The following DDX10 variants were observed in gnomAD, a reference collection of about 807,000 sequenced individuals.
The protein encoded by DDX10 is DEAD-box helicase 10.
In DDX10, 74 loss-of-function variants were observed where a neutral mutation model predicts 104.3. That is an observed-to-expected ratio of 0.71 (90% CI 0.59 to 0.86). The LOEUF is 0.86. Among genes scored for constraint, DDX10 ranks in the 40% least tolerant of loss-of-function variants. DDX10 has a pLI of 0.00. For synonymous variants in DDX10, 351 were observed against 353.4 expected, an observed-to-expected ratio of 0.99 and a Z score of 0.08; for missense variants, 952 against 1,040.0, an observed-to-expected ratio of 0.92 and a Z score of 1.16.
chr11:108,775,924 G>A (rs1317834233), intron 13 of DDX10, among the ~76,000 whole-genome samples: 1 of 151,928 alleles, frequency 6.6e-6, no homozygotes, highest in Non-Finnish European at 1.5e-5. Context: ...TTTTATGTGT[G>A]GTTTTTTTAG....
intron 13 of DDX10, among the ~76,000 whole-genome samples, chr11:108,795,673 A>T (rs1861931627): frequency 6.6e-6 from 1 of 151,806 alleles, no homozygotes; most frequent in Non-Finnish European, 1.5e-5. Flanking sequence ...ACATGAACTC[A>T]TCCTTTTTTA....
intron 15 of DDX10, among the ~76,000 whole-genome samples, chr11:108,843,636 A>G (rs540653035): frequency 1.1e-3 from 171 of 151,920 alleles, no homozygotes; most frequent in Admixed American, 1.7e-3. Flanking sequence ...CACACCTGTA[A>G]TCCCAGCTAC....
intron 13 of DDX10, among the ~76,000 whole-genome samples, chr11:108,776,544 GC>G (rs1166511161): frequency 2.0e-5 from 3 of 152,216 alleles, no homozygotes; most frequent in Admixed American, 2.0e-4. Context: ...TCCAAGAACG[GC>G]CCCTCGAGAT....
rs752970592 is a variant in DDX10 at position 108,691,937 on chromosome 11, A to G, written c.1037A>G (p.His346Arg). The change falls in exon 8 of 18, where the codon CAT (histidine) becomes CGT (arginine). Residue 346 changes from histidine to arginine, a missense_variant. His to Arg is a conservative substitution (Grantham distance 29). Coordinates refer to ENST00000322536, the MANE Select transcript of DDX10 (RefSeq NM_004398.4). Reference sequence around the variant, plus strand: ...CCTGGTGTTTCTATCCTTGCACTCCATGGTCGACAGCAGCAAATGAGAAGA... The same window carrying G: ...CCTGGTGTTTCTATCCTTGCACTCCGTGGTCGACAGCAGCAAATGAGAAGA... ...LRPGVSILAL[H>R]GRQQQMRRME... is the part of the protein sequence containing the mutation. 12 of 1,613,888 alleles carry G rather than the reference A, an allele frequency of 7.4e-6. No homozygotes were observed. The highest frequency in any genetic ancestry group is 4.5e-5 in the East Asian group (2 of 44,884).
chr11:108,671,942 C>T (rs948274335), intron 1 of DDX10, among the ~76,000 whole-genome samples: 1 of 151,280 alleles, frequency 6.6e-6, no homozygotes, highest in Non-Finnish European at 1.5e-5. Context: ...GCGCCTGTAG[C>T]CCCAGCTACT....
At chr11:108,798,564 G>A (rs895330934) in intron 13 of DDX10, among the ~76,000 whole-genome samples, 1 of 152,156 alleles carries the variant, frequency 6.6e-6, no homozygotes, top group Non-Finnish European at 1.5e-5. Context: ...GTCTTTTTGT[G>A]ACTGGCTTGT....
chr11:108,834,700 CTTAAG>C (rs1372628114), intron 13 of DDX10, among the ~76,000 whole-genome samples: 1 of 151,874 alleles, frequency 6.6e-6, no homozygotes, highest in East Asian at 1.9e-4. Flanking sequence ...ATCCAAGGTC[CTTAAG>C]AATTGTCCTA....
At chr11:108,905,387 G>GT (rs35517504) in intron 16 of DDX10, among the ~76,000 whole-genome samples, 144,217 of 150,170 alleles carry the variant, frequency 0.96, 69,561 homozygotes, top group East Asian at 1. Flanking sequence ...TTTATAGTAC[G>GT]TCTTTATATT....
At chr11:108,721,332 C>T (rs2094298112) in intron 12 of DDX10, among the ~76,000 whole-genome samples, 2 of 152,144 alleles carry the variant, frequency 1.3e-5, no homozygotes, top group African/African-American at 4.8e-5. Context: ...GTTGTTTGCT[C>T]ATATGTTTAA....
intron 15 of DDX10, among the ~76,000 whole-genome samples, chr11:108,842,982 T>C (rs1862662037): frequency 6.6e-6 from 1 of 152,246 alleles, no homozygotes; most frequent in Non-Finnish European, 1.5e-5. Flanking sequence ...TGTCATTGAA[T>C]ATTGTTCTGG....
At chr11:108,873,785 G>T (rs755393998) in intron 16 of DDX10, among the ~76,000 whole-genome samples, 1 of 152,100 alleles carries the variant, frequency 6.6e-6, no homozygotes, top group African/African-American at 2.4e-5. Context: ...TGTTTTATTT[G>T]CAATACAAAG....
intron 16 of DDX10, among the ~76,000 whole-genome samples, chr11:108,890,297 A>AT (rs2134639262): frequency 6.6e-6 from 1 of 152,322 alleles, no homozygotes; most frequent in South Asian, 2.1e-4. Flanking sequence ...TAGTTGAGGA[A>AT]TTCATCTATG....
intron 16 of DDX10, among the ~76,000 whole-genome samples, chr11:108,909,915 C>T (rs988957881): frequency 6.6e-6 from 1 of 152,036 alleles, no homozygotes; most frequent in Non-Finnish European, 1.5e-5. Context: ...TGACTAGTGC[C>T]GGTATCTGAA....
chr11:108,878,136 A>T (rs565455897), intron 16 of DDX10, among the ~76,000 whole-genome samples: 1 of 152,214 alleles, frequency 6.6e-6, no homozygotes, highest in African/African-American at 2.4e-5. Context: ...AAAGATAGGC[A>T]TATTGGATTT....
At chr11:108,756,987 G>A (rs2094345144) in intron 13 of DDX10, among the ~76,000 whole-genome samples, 1 of 151,964 alleles carries the variant, frequency 6.6e-6, no homozygotes, top group Non-Finnish European at 1.5e-5. Context: ...CCTGACCTGG[G>A]AAAGATCTGA....
intron 16 of DDX10, among the ~76,000 whole-genome samples, chr11:108,872,820 T>TGCC (rs1565305030): frequency 6.9e-6 from 1 of 145,116 alleles, no homozygotes; most frequent in Non-Finnish European, 1.5e-5. Context: ...TAATTTCCGT[T>TGCC]CCCCCCCCCT....
At chr11:108,893,304 G>T (rs1238035448) in intron 16 of DDX10, among the ~76,000 whole-genome samples, 4 of 152,062 alleles carry the variant, frequency 2.6e-5, no homozygotes, top group Admixed American at 1.3e-4. Context: ...TTTGTGGAAT[G>T]AATTTTGTAT....
At chr11:108,772,403 CAGA>C (rs1047634780) in intron 13 of DDX10, among the ~76,000 whole-genome samples, 3 of 152,080 alleles carry the variant, frequency 2.0e-5, no homozygotes, top group Non-Finnish European at 2.9e-5. Context: ...GGAGAAGACG[CAGA>C]AGAAGAGGAG....
chr11:108,799,479 A>G (rs1861988638), intron 13 of DDX10, among the ~76,000 whole-genome samples: 1 of 152,148 alleles, frequency 6.6e-6, no homozygotes, highest in African/African-American at 2.4e-5. Flanking sequence ...AGGGTTCTTC[A>G]TCTGAACCTC....
Sources: allele counts gnomAD v4.1 joint callset (sites outside exome capture counted in the v4.1 genomes callset), GRCh38; gene constraint gnomAD v4.1.1; transcripts MANE v1.5; gene names NCBI Gene and HGNC (gene_info 2026-07-23, HGNC 2026-07-21).